The following TCOF1 variants were observed in gnomAD, a reference collection of about 807,000 sequenced individuals.
TCOF1 encodes the protein treacle ribosome biogenesis factor 1, also known as treacle protein.
TCOF1 carries 33 observed loss-of-function variants against 149.0 expected under a neutral mutation model. The ratio of observed to expected loss-of-function variants is 0.22; its 90% CI spans 0.17 to 0.30. The LOEUF (loss-of-function observed/expected upper bound fraction) is 0.30, where lower values mean the gene tolerates loss of function less well. TCOF1 is among the 10% of genes least tolerant of loss of function. The probability of loss-of-function intolerance (pLI) is 1.00; values close to 1 mark genes in which losing one functional copy is unlikely to be tolerated. For synonymous variants in TCOF1, 789 were observed against 738.8 expected, an observed-to-expected ratio of 1.07 and a Z score of -1.10; for missense variants, 1,728 against 1,840.7, an observed-to-expected ratio of 0.94 and a Z score of 1.12.
intron 17 of TCOF1, chr5:150,380,266 TCCTGGG>T: frequency 1.1e-5 from 2 of 181,554 alleles, no homozygotes; most frequent in East Asian, 1.4e-4. Context: ...GCTAAAAGTG[TCCTGGG>T]TCTATATCTA....
At chr5:150,387,094 G>A (rs1388155430) in intron 17 of TCOF1, among the ~76,000 whole-genome samples, 1 of 152,156 alleles carries the variant, frequency 6.6e-6, no homozygotes, top group Non-Finnish European at 1.5e-5. Context: ...TCTCAGACAT[G>A]TCAGCTCATC....
chr5:150,385,447 C>A (rs1409298238), intron 17 of TCOF1, among the ~76,000 whole-genome samples: 1 of 152,320 alleles, frequency 6.6e-6, no homozygotes, highest in East Asian at 1.9e-4. Flanking sequence ...GATGAGACTT[C>A]CTGGGTTGGT....
At position 150,366,639 on chromosome 5, in the gene TCOF1, CTTTTTTTTTTTTT is replaced by C. The variant is rs1204091560; in HGVS notation, c.305-1191_305-1179del. On this transcript the variant is annotated intron_variant, in intron 3 of 26. Coordinates refer to ENST00000643257, the MANE Select transcript of TCOF1 (RefSeq NM_001371623.1). ...TGCCATTCATCTCAGCAACATTCTTCTTTTTTTTTTTTTTTTTTTTTTTTTTGAGACGGAGTCT... is the reference window on the plus strand; with the variant it reads ...TGCCATTCATCTCAGCAACATTCTTCTTTTTTTTTTTTTGAGACGGAGTCT... 1.2e-4 allele frequency among the ~76,000 whole-genome samples: 8 copies of C among 64,362 alleles called. 3 individuals carry two copies. The East Asian group carries it at 2.2e-3, about 18-fold the overall frequency. The allele number at this position is 64,362 out of a possible 152,430, so 42.2% of individuals were successfully genotyped here.
At chr5:150,398,212 A>C in intron 24 of TCOF1, 142 bp from the exon 25 acceptor site, 1 of 1,546,832 alleles carries the variant, frequency 6.5e-7, no homozygotes, top group South Asian at 1.2e-5. Flanking sequence ...ATGAACCTCC[A>C]CGCCCCGCCC....
At position 150,389,966 on chromosome 5, in the gene TCOF1, C is replaced by A; in HGVS notation, c.3126C>A (p.Ser1042Arg). Residue 1042 changes from serine (S) to arginine (R), a missense_variant, in exon 19 of 27, where the codon AGC becomes AGA. Around this residue, in one of 2 missense-constraint regions of TCOF1, gnomAD observed 1,696 missense variants for 1,765.4 expected, o/e 0.96. Coordinates refer to ENST00000643257, the MANE Select transcript of TCOF1 (RefSeq NM_001371623.1). ...AAGCCAGCATGGCTGGGGCCAGCAG[C>A]AGCAAGGAGTCCAGTCGGATATCAG... ...APKASMAGAS[S>R]SKESSRISDG... The A allele has an allele frequency of 6.2e-7, 1 of 1,614,174 alleles. No homozygotes were observed. Among genetic ancestry groups the A allele is most frequent in the Non-Finnish European group, 8.5e-7 (1 of 1,180,038 alleles).
intron 17 of TCOF1, chr5:150,384,758 G>A (rs1765942186): frequency 1.0e-6 from 1 of 985,392 alleles, no homozygotes; most frequent in East Asian, 1.1e-4. Flanking sequence ...GCCCGGGGAA[G>A]CTGCAGCCTC....
In TCOF1 at chr5:150,384,661, C is replaced by T. The variant is rs1394853019; in HGVS notation, c.2860-3241C>T. ...GAACCATTTAATTGGTATGTTAGTCCTGAAGATTCTGGAGTCTATTTAAAA... is the reference window on the plus strand; with the variant it reads ...GAACCATTTAATTGGTATGTTAGTCTTGAAGATTCTGGAGTCTATTTAAAA... On this transcript the variant is annotated intron_variant, in intron 17 of 26. Coordinates refer to ENST00000643257, the MANE Select transcript of TCOF1 (RefSeq NM_001371623.1). The T allele has an allele frequency of 9.4e-6, 9 of 958,566 alleles. No homozygotes were observed. The South Asian group carries it at 3.5e-4, about 37-fold the overall frequency. The allele number at this position is 958,566 out of a possible 1,614,324, so 59.4% of individuals were successfully genotyped here.
chr5:150,378,867 T>C, intron 14 of TCOF1, 38 bp from the exon 15 acceptor site: 1 of 1,613,788 alleles, frequency 6.2e-7, no homozygotes, highest in Non-Finnish European at 8.5e-7. Context: ...TTACTCAATC[T>C]CACCTTCTCC....
intron 17 of TCOF1, chr5:150,382,978 GA>G: frequency 1.8e-6 from 2 of 1,137,158 alleles, no homozygotes; most frequent in Non-Finnish European, 2.5e-6. Flanking sequence ...CAGAGTGCCT[GA>G]GGGTCATTGC....
At chr5:150,371,078 A>G (rs974147980) in intron 6 of TCOF1, among the ~76,000 whole-genome samples, 8 of 152,188 alleles carry the variant, frequency 5.3e-5, no homozygotes, top group Non-Finnish European at 1.0e-4. Flanking sequence ...TGATACTGGC[A>G]TAAGAGGCTG....
intron 7 of TCOF1, among the ~76,000 whole-genome samples, 170 bp downstream of exon 7, chr5:150,372,406 T>G (rs1178796871): frequency 2.6e-5 from 4 of 152,230 alleles, no homozygotes; most frequent in Non-Finnish European, 5.9e-5. Flanking sequence ...CACTCCACTT[T>G]GTCTGTGACC....
At chr5:150,375,253 G>T in intron 10 of TCOF1, 86 bp from the exon 11 acceptor site, 1 of 1,607,246 alleles carries the variant, frequency 6.2e-7, no homozygotes, top group Non-Finnish European at 8.5e-7. Flanking sequence ...CTAGAGCCCT[G>T]TGCGGCTGGC....
At position 150,364,241 on chromosome 5, in the gene TCOF1, C is replaced by A. The variant is rs762986105; in HGVS notation, c.293C>A (p.Thr98Asn). Residue 98 changes from threonine (T) to asparagine (N), a missense_variant, in exon 3 of 27, where the codon ACC (threonine) becomes AAC (asparagine). Physicochemically the swap from Thr to Asn is moderately conservative, Grantham distance 65. This residue lies in a region of TCOF1 where 1,696 missense variants were observed against 1,765.4 expected (regional missense o/e 0.96). Transcript: ENST00000643257. Reference sequence around the variant, plus strand: ...GAGGAGGAAGAAGCAGAAGCCGAAACCGCCAAAGCCAGTAAGAGCCTTGCA... The same window carrying A: ...GAGGAGGAAGAAGCAGAAGCCGAAAACGCCAAAGCCAGTAAGAGCCTTGCA... The part of the protein sequence containing the change: ...SEEEEEAEAE[T>N]AKATPRLAST... The A allele has an allele frequency of 6.2e-7, 1 of 1,614,154 alleles. No individual in the cohort carries two copies. The highest frequency in any genetic ancestry group is 8.5e-7 in the Non-Finnish European group (1 of 1,180,012).
At chr5:150,367,986 T>G in intron 4 of TCOF1, 69 bp downstream of exon 4, 1 of 1,558,808 alleles carries the variant, frequency 6.4e-7, no homozygotes, top group Non-Finnish European at 8.8e-7. Context: ...CAGTCTTACA[T>G]GTCAGAGAAG....
chr5:150,383,426 A>G (rs1765639224), intron 17 of TCOF1, among the ~76,000 whole-genome samples: 1 of 152,232 alleles, frequency 6.6e-6, no homozygotes. Context: ...CAACAGCCCC[A>G]TGGTCCTGGG....
Position 150,391,596 on chromosome 5 carries a change from T to A in TCOF1, c.3236T>A (p.Val1079Asp). Residue 1079 changes from valine to aspartate, a missense_variant, in exon 20 of 27, where the codon GTC becomes GAC. Val to Asp is a radical substitution (Grantham distance 152, BLOSUM62 -3). This residue lies in a region of TCOF1 where 1,696 missense variants were observed against 1,765.4 expected (regional missense o/e 0.96). Transcript: ENST00000643257. Reference protein sequence around the residue: ...SLPLTQAALKVLAQKASEAQP... With the variant: ...SLPLTQAALKDLAQKASEAQP... Reference sequence around the variant, plus strand: ...CCACTGACCCAGGCTGCCCTGAAGGTCCTCGCCCAGAAAGCCAGTGAGGCT... The same window carrying A: ...CCACTGACCCAGGCTGCCCTGAAGGACCTCGCCCAGAAAGCCAGTGAGGCT... The A allele has an allele frequency of 6.2e-7, 1 of 1,614,034 alleles. No individual in the cohort carries two copies.
intron 15 of TCOF1, 85 bp downstream of exon 15, chr5:150,379,127 C>G: frequency 6.2e-7 from 1 of 1,613,692 alleles, no homozygotes; most frequent in Non-Finnish European, 8.5e-7. Context: ...GGAGAAGGTG[C>G]GTGCATGGGC....
At chr5:150,372,749 CAGT>C (rs762163869) in intron 7 of TCOF1, among the ~76,000 whole-genome samples, 3 of 152,168 alleles carry the variant, frequency 2.0e-5, no homozygotes, top group Admixed American at 6.5e-5. Context: ...CGGGGGCATG[CAGT>C]AGATAAGCAG....
chr5:150,369,616 A>G lies in TCOF1; in HGVS notation c.639+14A>G, dbSNP rs751790285. The G allele has an allele frequency of 1.2e-6, 2 of 1,613,942 alleles. No homozygotes were observed. Among genetic ancestry groups the G allele is most frequent in the Admixed American group, 3.3e-5 (2 of 60,016 alleles). ...ACAGACGTGGAGGTAATTGCCACCCATCCCTAGGAGTTGCCCTCTCCCAGC... is the reference window on the plus strand; with the variant it reads ...ACAGACGTGGAGGTAATTGCCACCCGTCCCTAGGAGTTGCCCTCTCCCAGC... On this transcript the variant is annotated intron_variant, in intron 6 of 26. Transcript: ENST00000643257.
Sources: allele counts gnomAD v4.1 joint callset (sites outside exome capture counted in the v4.1 genomes callset), GRCh38; gene constraint gnomAD v4.1.1; regional missense constraint gnomAD v4.1.1; transcripts MANE v1.5; gene names NCBI Gene and HGNC (gene_info 2026-07-23, HGNC 2026-07-21).